Variants in NTM observed in about 807,000 individuals in gnomAD.
NTM encodes the protein IgLON family member 2.
NTM carries 13 observed loss-of-function variants against 42.1 expected under a neutral mutation model. The ratio of observed to expected loss-of-function variants is 0.31; its 90% confidence interval spans 0.20 to 0.49. The LOEUF (loss-of-function observed/expected upper bound fraction) is 0.49, where lower values mean the gene tolerates loss of function less well. Ranked by LOEUF, NTM falls within the 20% of genes least tolerant of loss-of-function variation. NTM has a pLI of 0.99. For missense variants in NTM, 373 were observed against 452.8 expected (o/e 0.82, Z 1.60); for synonymous variants, 187 against 179.2 (o/e 1.04, Z -0.35).
At chr11:131,885,000 G>A (rs1384693566) in intron 1 of NTM, among the ~76,000 whole-genome samples, 1 of 152,142 alleles carries the variant, frequency 6.6e-6, no homozygotes, top group Non-Finnish European at 1.5e-5. Context: ...TTACAGCTGG[G>A]TAACAGCTGA....
At chr11:132,312,368 G>T (rs565112354) in intron 6 of NTM, 1 of 152,234 alleles carries the variant, frequency 6.6e-6, no homozygotes, top group African/African-American at 2.4e-5. Flanking sequence ...TCAACTGCAC[G>T]CTATTGTATG....
At chr11:132,198,237 T>C (rs375575648) in intron 3 of NTM, among the ~76,000 whole-genome samples, 18 of 152,358 alleles carry the variant, frequency 1.2e-4, no homozygotes, top group Admixed American at 9.8e-4. Flanking sequence ...ACAAGGTCTT[T>C]CCATGATGCC....
chr11:131,802,030 A>G lies in NTM; in HGVS notation c.83-109534A>G, dbSNP rs536548044. Among the ~76,000 whole-genome samples the G allele has an allele frequency of 8.5e-5, 13 of 152,230 alleles. 1 individual carries two copies. The highest frequency in any genetic ancestry group is 3.1e-4 in the African/African-American group (13 of 41,530). Reference sequence around the variant, plus strand: ...CTTGTATAATTTTTTTAGGTGCAGTATAATAAAAAAAATTAAAATCCTAAA... The same window carrying G: ...CTTGTATAATTTTTTTAGGTGCAGTGTAATAAAAAAAATTAAAATCCTAAA... On this transcript the variant is annotated intron_variant, in intron 1 of 8. Transcript: ENST00000683400.
At chr11:132,097,796 G>T (rs778082339) in intron 2 of NTM, among the ~76,000 whole-genome samples, 1 of 152,200 alleles carries the variant, frequency 6.6e-6, no homozygotes, top group African/African-American at 2.4e-5. Context: ...TCATTGTGAT[G>T]AGGACCTTTT....
intron 2 of NTM, among the ~76,000 whole-genome samples, chr11:132,142,103 C>T (rs1055927092): frequency 3.9e-5 from 6 of 152,106 alleles, no homozygotes; most frequent in African/African-American, 1.2e-4. Context: ...GGTGGGAGGG[C>T]GGTATATCTG....
At chr11:132,141,652 C>T (rs1047104860) in intron 2 of NTM, among the ~76,000 whole-genome samples, 1 of 152,188 alleles carries the variant, frequency 6.6e-6, no homozygotes, top group Non-Finnish European at 1.5e-5. Flanking sequence ...CCTCAATAAT[C>T]CCTGCTCAAA....
At chr11:131,919,472 A>G (rs1273596923) in intron 2 of NTM, among the ~76,000 whole-genome samples, 1 of 152,202 alleles carries the variant, frequency 6.6e-6, no homozygotes, top group Non-Finnish European at 1.5e-5. Flanking sequence ...CTAGGAGTAC[A>G]ATCATTGGAG....
intron 1 of NTM, chr11:131,794,531 T>G: frequency 1.0e-6 from 1 of 984,280 alleles, no homozygotes; most frequent in Non-Finnish European, 1.2e-6. Flanking sequence ...ATTTTACTCC[T>G]TGCTGCTTTT....
rs184789126 is a variant in NTM, at chr11:132,030,511, T to C, written c.168-115771T>C. ...ATGTCATTTGTACTGTGGTGTACTA[T>C]GGAGAAAAATAAACCATGGCCAGGG... On this transcript the variant is annotated intron_variant, in intron 2 of 8. Transcript: ENST00000683400. Among the ~76,000 whole-genome samples, 5 of 152,274 alleles carry C rather than the reference T, an allele frequency of 3.3e-5. No individual in the cohort carries two copies. The East Asian group carries it at 9.7e-4, about 29-fold the overall frequency.
chr11:131,452,273 A>G (rs1332328691), intron 1 of NTM, among the ~76,000 whole-genome samples: 1 of 152,208 alleles, frequency 6.6e-6, no homozygotes, highest in East Asian at 1.9e-4. Flanking sequence ...TCCCGGCTGC[A>G]GGCCCCACTT....
chr11:132,033,853 A>G (rs2076207050), intron 2 of NTM, among the ~76,000 whole-genome samples: 1 of 152,214 alleles, frequency 6.6e-6, no homozygotes, highest in Non-Finnish European at 1.5e-5. Flanking sequence ...TGATTGAAAA[A>G]GAATCTCATA....
rs1173556993 is a variant in NTM, at chr11:131,370,842, C to A, written c.36C>A (p.Ile12=). 5 of 1,614,016 alleles carry A rather than the reference C, an allele frequency of 3.1e-6. No homozygotes were observed. The Admixed American group carries it at 8.3e-5, about 27-fold the overall frequency. ...TCCAGCCAAAAATGCACAATTCTAT[C>A]TCTTGGGCAATCTTCACGGGGCTGG... is the stretch of plus-strand genomic sequence containing the variant. ...KTIQPKMHNS[I]SWAIFTGLAA... The change falls in exon 1 of 9, where the codon ATC becomes ATA. Residue 12 remains isoleucine (I), a synonymous_variant. Transcript: ENST00000683400.
At chr11:132,249,640 G>T (rs1209357528) in intron 4 of NTM, among the ~76,000 whole-genome samples, 2 of 152,162 alleles carry the variant, frequency 1.3e-5, no homozygotes, top group Non-Finnish European at 2.9e-5. Context: ...CACTGGAAAT[G>T]ATTCTTAAAA....
chr11:131,791,025 T>C lies in NTM; in HGVS notation c.83-120539T>C, dbSNP rs58211308. 2.9e-3 allele frequency among the ~76,000 whole-genome samples: 439 copies of C among 152,328 alleles called. 6 individuals are homozygous for C. Among genetic ancestry groups the C allele is most frequent in the African/African-American group, 0.01 (418 of 41,580 alleles). On this transcript the variant is annotated intron_variant, in intron 1 of 8. Coordinates refer to ENST00000683400, the MANE Select transcript of NTM (RefSeq NM_001352005.2). ...ACATTTGATCTTTGAAGTCACCCTG[T>C]GTTATGGGTGTTATTGTGAGAAAAT...
At chr11:132,031,369 G>A (rs1396130576) in intron 2 of NTM, among the ~76,000 whole-genome samples, 1 of 152,176 alleles carries the variant, frequency 6.6e-6, no homozygotes, top group African/African-American at 2.4e-5. Context: ...GGGTCAAGTT[G>A]GAGGCAAGAA....
At chr11:132,040,640 C>T (rs1004705207) in intron 2 of NTM, among the ~76,000 whole-genome samples, 3 of 152,242 alleles carry the variant, frequency 2.0e-5, no homozygotes, top group Non-Finnish European at 4.4e-5. Context: ...TGTTCCCACT[C>T]CCATCCCCAG....
At chr11:131,479,225 A>G (rs1488953899) in intron 1 of NTM, among the ~76,000 whole-genome samples, 3 of 152,232 alleles carry the variant, frequency 2.0e-5, no homozygotes, top group African/African-American at 7.2e-5. Flanking sequence ...AGACAGAGAA[A>G]AATGTACAAC....
chr11:132,278,600 C>T (rs922379819), intron 4 of NTM, among the ~76,000 whole-genome samples: 1 of 152,130 alleles, frequency 6.6e-6, no homozygotes, highest in Non-Finnish European at 1.5e-5. Flanking sequence ...ATATTCTCCA[C>T]CTCTCAGTGG....
chr11:131,948,398 G>GAAAACAAAAAAA (rs1486299687), intron 2 of NTM, among the ~76,000 whole-genome samples: 1 of 149,422 alleles, frequency 6.7e-6, no homozygotes, highest in Admixed American at 6.6e-5. Context: ...ACAAAAAAAA[G>GAAAACAAAAAAA]AAGTGAAGCC....
Sources: allele counts gnomAD v4.1 joint callset (sites outside exome capture counted in the v4.1 genomes callset), GRCh38; gene constraint gnomAD v4.1.1; transcripts MANE v1.5; gene names NCBI Gene and HGNC (gene_info 2026-07-23, HGNC 2026-07-21).